SFI1: variants seen among roughly 807,000 people sequenced by gnomAD.
SFI1 encodes the protein protein SFI1 homolog.
A neutral mutation model predicts 207.5 loss-of-function variants in SFI1; 195 were observed. The observed-to-expected ratio is 0.94, with a 90% confidence interval of 0.84 to 1.06. SFI1 has a LOEUF of 1.06. SFI1 is among the 50% of genes least tolerant of loss of function. The pLI is 0.00. For missense variants in SFI1, 1,634 were observed against 1,588.0 expected (o/e 1.03, Z -0.49); for synonymous variants, 630 against 598.9 (o/e 1.05, Z -0.76).
intron 15 of SFI1, among the ~76,000 whole-genome samples, chr22:31,599,298 T>A (rs557798670): frequency 6.7e-6 from 1 of 149,676 alleles, no homozygotes; most frequent in Non-Finnish European, 1.5e-5. Flanking sequence ...TCTGTGTTTA[T>A]CAGGTTTTTC....
In SFI1 at chr22:31,606,319, C is replaced by G. The variant is rs1367469123; in HGVS notation, c.2055-9C>G. On this transcript the variant is annotated splice_polypyrimidine_tract_variant and intron_variant, in intron 20 of 32. Coordinates refer to ENST00000400288, the MANE Select transcript of SFI1 (RefSeq NM_001007467.3). ...GTCATCTGCCTTCCTCGCACCCATG[C>G]ATCTGCAGCGGGGCATTACGTCGCT... 6.2e-7 allele frequency: 1 copy of G among 1,611,952 alleles called. No homozygotes were observed. The highest frequency in any genetic ancestry group is 1.1e-5 in the South Asian group (1 of 91,042).
At position 31,541,836 on chromosome 22, in the gene SFI1, C is replaced by T. The variant is rs983970850; in HGVS notation, c.339-5025C>T. 3.4e-5 allele frequency among the ~76,000 whole-genome samples: 5 copies of T among 149,048 alleles called. No homozygotes were observed. The East Asian group carries it at 8.0e-4, about 24-fold the overall frequency. ...GTACAGTTTAGGCTGGGCATAGTGGCTCACGCCTGTAATCCCAGCACTTTG... is the reference window on the plus strand; with the variant it reads ...GTACAGTTTAGGCTGGGCATAGTGGTTCACGCCTGTAATCCCAGCACTTTG... On this transcript the variant is annotated intron_variant, in intron 4 of 32. Coordinates refer to ENST00000400288, the MANE Select transcript of SFI1 (RefSeq NM_001007467.3).
chr22:31,588,174 C>T (rs1480648284), intron 14 of SFI1, among the ~76,000 whole-genome samples: 3 of 152,166 alleles, frequency 2.0e-5, no homozygotes, highest in East Asian at 1.9e-4. Context: ...ATTATCTAGA[C>T]GTTTTCTTCA....
chr22:31,611,983 T>C, intron 24 of SFI1, 143 bp downstream of exon 24: 1 of 1,434,116 alleles, frequency 7.0e-7, no homozygotes, highest in Non-Finnish European at 9.2e-7. Context: ...CTCTACCACC[T>C]TCCTGTCATT....
chr22:31,557,093 C>A, intron 7 of SFI1, 34 bp downstream of exon 7: 5 of 1,364,158 alleles, frequency 3.7e-6, no homozygotes, highest in Non-Finnish European at 5.1e-6. Context: ...AAAGTACCAG[C>A]CATCATTTTA....
chr22:31,546,831 T>C (rs1346984702), intron 4 of SFI1, 30 bp from the exon 5 acceptor site: 3 of 1,352,342 alleles, frequency 2.2e-6, no homozygotes, highest in South Asian at 1.3e-5. Context: ...AACATCATCA[T>C]ATATATATAT....
intron 4 of SFI1, among the ~76,000 whole-genome samples, chr22:31,543,768 C>CCA (rs1163186386): frequency 1.3e-5 from 2 of 150,980 alleles, no homozygotes; most frequent in African/African-American, 2.4e-5. Context: ...CAAGATCGCG[C>CCA]CACTGCACTC....
chr22:31,614,451 G>GTATCATTAAAAAA, intron 27 of SFI1: 2 of 482,196 alleles, frequency 4.1e-6, no homozygotes, highest in Non-Finnish European at 4.0e-6. Context: ...GGTCCCTGCT[G>GTATCATTAAAAAA]TGCTCCTCAC....
At position 31,535,135 on chromosome 22, in the gene SFI1, G is replaced by A. The variant is rs893555008; in HGVS notation, c.338+4006G>A. ...GCCCAACTCAGCCTCCCAAAGTGCC[G>A]GGATTACAGGCATGAGCCACGGTGC... On this transcript the variant is annotated intron_variant, in intron 4 of 32. Coordinates refer to ENST00000400288, the MANE Select transcript of SFI1 (RefSeq NM_001007467.3). Among the ~76,000 whole-genome samples the A allele has an allele frequency of 1.4e-4, 21 of 150,736 alleles. 1 individual carries two copies. Among genetic ancestry groups the A allele is most frequent in the East Asian group, 1.9e-4 (1 of 5,140 alleles).
intron 2 of SFI1, chr22:31,521,250 TG>T: frequency 5.4e-6 from 1 of 186,138 alleles, no homozygotes. Context: ...TGCGAATGTG[TG>T]GAATGACACC....
In SFI1 at chr22:31,595,806, TATAG is replaced by T. The variant is rs1180680558; in HGVS notation, c.1544+6237_1544+6240del. 4.6e-5 allele frequency among the ~76,000 whole-genome samples: 7 copies of T among 152,306 alleles called. No individual in the cohort carries two copies. In the East Asian group the frequency reaches 1.3e-3, roughly 29 times the overall value. On this transcript the variant is annotated intron_variant, in intron 15 of 32. Coordinates refer to ENST00000400288, the MANE Select transcript of SFI1 (RefSeq NM_001007467.3). ...CAGACTGAAGAGATTGGGCTGACCC[TATAG>T]ATAGATATTCGAAAGATATTTGAGC...
chr22:31,617,341 G>GC (rs1318787978), intron 31 of SFI1, among the ~76,000 whole-genome samples: 2 of 118,968 alleles, frequency 1.7e-5, no homozygotes, highest in African/African-American at 3.9e-5. Context: ...TGCTTCCTAT[G>GC]GGGGGGACGA....
chr22:31,616,643 TC>T lies in SFI1; in HGVS notation c.3301-97del, dbSNP rs1317312429. The T allele has an allele frequency of 8.4e-6, 11 of 1,306,652 alleles. No individual in the cohort carries two copies. The Admixed American group carries it at 2.0e-4, about 24-fold the overall frequency. 80.9% of individuals were successfully genotyped at this position (1,306,652 alleles called of 1,614,324 possible). A position where few individuals can be genotyped will look rare whatever the true frequency, so the allele number is the denominator to read the frequency against. ...GCTCCTGCAGCTGGGAGCCTGGTCT[TC>T]CCCCACCCCTGCAGGGCAGGCAGTG... is the stretch of plus-strand genomic sequence containing the variant. On this transcript the variant is annotated intron_variant, in intron 29 of 32. Transcript: ENST00000400288.
chr22:31,581,391 C>T (rs745752938), intron 12 of SFI1, among the ~76,000 whole-genome samples: 6 of 151,540 alleles, frequency 4.0e-5, no homozygotes, highest in East Asian at 3.9e-4. Flanking sequence ...CAAGTTCAAG[C>T]GATTCTCATG....
chr22:31,555,185 A>C (rs1489799213), intron 6 of SFI1, among the ~76,000 whole-genome samples: 3 of 152,188 alleles, frequency 2.0e-5, no homozygotes, highest in African/African-American at 7.2e-5. Context: ...GAATAGAAGG[A>C]AAAAGTCACT....
chr22:31,549,584 C>T (rs1288355805), intron 5 of SFI1, among the ~76,000 whole-genome samples: 2 of 151,514 alleles, frequency 1.3e-5, no homozygotes, highest in African/African-American at 4.9e-5. Flanking sequence ...AGGCTGGTCT[C>T]GAACTCCCAA....
intron 4 of SFI1, among the ~76,000 whole-genome samples, chr22:31,531,395 C>T (rs2058507237): frequency 6.6e-6 from 1 of 151,970 alleles, no homozygotes; most frequent in Non-Finnish European, 1.5e-5. Context: ...GTGGTGTGGC[C>T]TTTAGCTAGC....
chr22:31,559,632 A>T, intron 7 of SFI1: 1 of 712,434 alleles, frequency 1.4e-6, no homozygotes, highest in South Asian at 1.4e-5. Flanking sequence ...GCTGACGTTG[A>T]CCTCACCAAG....
chr22:31,586,495 A>G (rs1427364935), intron 14 of SFI1, among the ~76,000 whole-genome samples: 3 of 152,002 alleles, frequency 2.0e-5, no homozygotes, highest in African/African-American at 7.3e-5. Flanking sequence ...CTAAGTCGAT[A>G]GAGCTTGGAT....
Sources: gnomAD v4.1 joint callset for allele counts (sites outside exome capture counted in the v4.1 genomes callset) on GRCh38, gnomAD v4.1.1 for gene constraint, MANE v1.5 for transcripts, NCBI Gene and HGNC (gene_info 2026-07-23, HGNC 2026-07-21) for gene names.